Variants in OR51B5 observed in about 807,000 individuals in gnomAD.
OR51B5 encodes the protein olfactory receptor family 51 subfamily B member 5.
For missense variants in OR51B5, 456 were observed against 374.6 expected (o/e 1.22, Z -1.79); for synonymous variants, 186 against 144.8 (o/e 1.28, Z -2.04).
At chr11:5,345,299 A>G (rs937190542), upstream of OR51B5, among the ~76,000 whole-genome samples, 1 of 152,224 alleles carries the variant, frequency 6.6e-6, no homozygotes, top group Non-Finnish European at 1.5e-5. Context: ...GATGAGTTAG[A>G]AAGCTATTTT....
chr11:5,387,713 G>A (rs1849720053), intron 1 of OR51B5, among the ~76,000 whole-genome samples: 5 of 109,892 alleles, frequency 4.5e-5, no homozygotes, highest in African/African-American at 1.3e-4. Context: ...ACTTTCACTT[G>A]TTCTTCCTCC....
chr11:5,424,797 C>T (rs1351161138), intron 1 of OR51B5, among the ~76,000 whole-genome samples: 4 of 127,232 alleles, frequency 3.1e-5, no homozygotes, highest in South Asian at 2.4e-4. Context: ...CTGGCTAACA[C>T]GGTGAAACCC....
intron 1 of OR51B5, among the ~76,000 whole-genome samples, chr11:5,466,213 A>G (rs1851136970): frequency 6.6e-6 from 1 of 152,216 alleles, no homozygotes; most frequent in Non-Finnish European, 1.5e-5. Flanking sequence ...TTGAACAAAT[A>G]TATTTTATTT....
chr11:5,347,744 T>C (rs1258591077), upstream of OR51B5, among the ~76,000 whole-genome samples: 3 of 150,060 alleles, frequency 2.0e-5, no homozygotes, highest in Admixed American at 1.3e-4. Flanking sequence ...GCACAAATAA[T>C]AGAGAAAAAG....
At chr11:5,460,537 T>C (rs926720955) in intron 1 of OR51B5, among the ~76,000 whole-genome samples, 1 of 152,218 alleles carries the variant, frequency 6.6e-6, no homozygotes, top group Non-Finnish European at 1.5e-5. Flanking sequence ...CAGTATCTCA[T>C]TGAGCTTCCT....
intron 1 of OR51B5, chr11:5,403,193 C>A (rs1312210303): frequency 6.4e-6 from 3 of 471,292 alleles, no homozygotes; most frequent in Non-Finnish European, 1.3e-5. Context: ...TTAACAATAT[C>A]TATGGGATTT....
chr11:5,475,914 G>T (rs1457876120), intron 1 of OR51B5, among the ~76,000 whole-genome samples: 1 of 152,134 alleles, frequency 6.6e-6, no homozygotes, highest in Non-Finnish European at 1.5e-5. Flanking sequence ...CTTTGCCATT[G>T]TATCTAGATC....
At chr11:5,422,043 A>G (rs1850347381) in intron 1 of OR51B5, 1 of 618,734 alleles carries the variant, frequency 1.6e-6, no homozygotes, top group Non-Finnish European at 2.8e-6. Flanking sequence ...AGGATATCAT[A>G]TATCACAATG....
chr11:5,364,534 A>G (rs1380800062), intron 1 of OR51B5, among the ~76,000 whole-genome samples: 1 of 152,232 alleles, frequency 6.6e-6, no homozygotes, highest in Non-Finnish European at 1.5e-5. Context: ...CTTTAAGCAC[A>G]GTGCTTTGAA....
At chr11:5,435,606 A>G (rs1850581912) in intron 1 of OR51B5, among the ~76,000 whole-genome samples, 2 of 152,216 alleles carry the variant, frequency 1.3e-5, no homozygotes, top group African/African-American at 2.4e-5. Flanking sequence ...CTGAATAAAT[A>G]GTATCTGAGG....
intron 1 of OR51B5, chr11:5,453,706 TATCCA>T: frequency 6.2e-7 from 1 of 1,613,990 alleles, no homozygotes; most frequent in Non-Finnish European, 8.5e-7. Flanking sequence ...GATGTGGCCA[TATCCA>T]TGGCCACACT....
intron 1 of OR51B5, among the ~76,000 whole-genome samples, chr11:5,443,196 T>G (rs1850716173): frequency 6.6e-6 from 1 of 152,186 alleles, no homozygotes; most frequent in Non-Finnish European, 1.5e-5. Context: ...ATAATGTCTC[T>G]TTTATTATTT....
At chr11:5,475,505 T>C (rs1159184925) in intron 1 of OR51B5, among the ~76,000 whole-genome samples, 2 of 152,188 alleles carry the variant, frequency 1.3e-5, no homozygotes, top group African/African-American at 4.8e-5. Context: ...TGGTGGATAT[T>C]AAATATTATT....
chr11:5,348,928 A>T (rs1298235354), intron 1 of OR51B5, among the ~76,000 whole-genome samples: 2 of 152,148 alleles, frequency 1.3e-5, no homozygotes, highest in Admixed American at 1.3e-4. Context: ...GACAGAAAAG[A>T]GTGTCAGGAA....
At chr11:5,351,797 C>G in intron 1 of OR51B5, 1 of 1,614,092 alleles carries the variant, frequency 6.2e-7, no homozygotes, top group East Asian at 2.2e-5. Flanking sequence ...GCCTGCTTCT[C>G]TCAGGCCTAT....
At chr11:5,502,107 C>T (rs1489107392) in intron 1 of OR51B5, among the ~76,000 whole-genome samples, 1 of 152,332 alleles carries the variant, frequency 6.6e-6, no homozygotes, top group Non-Finnish European at 1.5e-5. Context: ...GTCATACACA[C>T]GTCAGGAACC....
chr11:5,382,211 C>T (rs910577484), intron 1 of OR51B5, among the ~76,000 whole-genome samples: 8 of 152,166 alleles, frequency 5.3e-5, no homozygotes, highest in East Asian at 3.9e-4. Flanking sequence ...ATTTGATCAC[C>T]GGAAAATCTT....
chr11:5,498,914 C>G (rs1851685042), intron 1 of OR51B5, among the ~76,000 whole-genome samples: 1 of 152,178 alleles, frequency 6.6e-6, no homozygotes, highest in South Asian at 2.1e-4. Context: ...AATCTTACCC[C>G]CATTCAATAA....
At chr11:5,351,458 T>C (rs899163879) in intron 1 of OR51B5, 1 of 1,437,472 alleles carries the variant, frequency 7.0e-7, no homozygotes, top group African/African-American at 1.4e-5. Context: ...ATACAACTGA[T>C]TACTATTGCT....
Sources: allele counts gnomAD v4.1 joint callset (sites outside exome capture counted in the v4.1 genomes callset), GRCh38; gene constraint gnomAD v4.1.1; transcripts MANE v1.5; gene names NCBI Gene and HGNC (gene_info 2026-07-23, HGNC 2026-07-21).